Variants in CACNA1I observed in about 807,000 individuals in gnomAD.
CACNA1I encodes calcium voltage-gated channel subunit alpha1 I.
CACNA1I carries 74 observed loss-of-function variants against 201.6 expected under a neutral mutation model. The ratio of observed to expected loss-of-function variants is 0.37; its 90% CI spans 0.30 to 0.45. The LOEUF (loss-of-function observed/expected upper bound fraction) is 0.45. Ranked by LOEUF, CACNA1I falls within the 20% of genes least tolerant of loss-of-function variation. The probability of loss-of-function intolerance (pLI) is 1.00; values close to 1 mark genes in which losing one functional copy is unlikely to be tolerated. For missense variants in CACNA1I, 2,346 were observed against 3,138.1 expected, an observed-to-expected ratio of 0.75 and a Z score of 6.03; for synonymous variants, 1,431 against 1,345.2, an observed-to-expected ratio of 1.06 and a Z score of -1.40.
chr22:39,648,945 T>C lies in CACNA1I; in HGVS notation c.1568-556T>C, dbSNP rs1934569122. Among the ~76,000 whole-genome samples the C allele has an allele frequency of 6.6e-6, 1 of 151,804 alleles. No homozygotes were observed. Among genetic ancestry groups the C allele is most frequent in the African/African-American group, 2.4e-5 (1 of 41,330 alleles). On this transcript the variant is annotated intron_variant, in intron 9 of 36. Transcript: ENST00000402142. This position sits in a 1 kb window ranked among gnomAD's most constrained non-coding sequence, Gnocchi z 5.4. ...TGCGTGGAGGGAAGTCCCAGGGGCT[T>C]CTGGAGTGAGGGTCTGCCCTTGCCC...
At chr22:39,664,949 G>A (rs1192028232) in intron 21 of CACNA1I, 26 bp downstream of exon 21, 1 of 1,605,300 alleles carries the variant, frequency 6.2e-7, no homozygotes, top group Admixed American at 1.7e-5. Context: ...GGGCGGATGG[G>A]GGAAAGTGTC....
chr22:39,643,970 T>C (rs1934412027), intron 7 of CACNA1I, among the ~76,000 whole-genome samples: 1 of 152,112 alleles, frequency 6.6e-6, no homozygotes, highest in South Asian at 2.1e-4. Context: ...CTGACAGCAG[T>C]CTGACCATAC....
At chr22:39,631,879 C>T (rs542630324) in intron 4 of CACNA1I, among the ~76,000 whole-genome samples, 6 of 152,254 alleles carry the variant, frequency 3.9e-5, no homozygotes, top group Non-Finnish European at 8.8e-5. Context: ...TGTGGCCCCT[C>T]TTCCCTGGCA....
chr22:39,623,300 G>T (rs983799497), intron 4 of CACNA1I, among the ~76,000 whole-genome samples: 1 of 151,836 alleles, frequency 6.6e-6, no homozygotes, highest in Non-Finnish European at 1.5e-5. Flanking sequence ...TGTGAGGTGC[G>T]TGTGCACATG....
Position 39,659,670 on chromosome 22 carries a change from C to T in CACNA1I, c.2449-27C>T, listed in dbSNP as rs1157361002. On this transcript the variant is annotated intron_variant, in intron 13 of 36. Coordinates refer to ENST00000402142, the MANE Select transcript of CACNA1I (RefSeq NM_021096.4). The surrounding 1 kb of genome is among the most constrained non-coding windows in gnomAD (Gnocchi z 4.3). ...AGCCTAGCCCTGGACTAGGGGTACC[C>T]CAGGGCTAACTGTGTCTCCCCAACA... 3 of 1,613,338 alleles carry T rather than the reference C, an allele frequency of 1.9e-6. No homozygotes were observed. Among genetic ancestry groups the T allele is most frequent in the Non-Finnish European group, 2.5e-6 (3 of 1,179,644 alleles).
chr22:39,682,648 T>C lies in CACNA1I; in HGVS notation c.5817T>C (p.His1939=), dbSNP rs889853902. The change falls in exon 35 of 37, where the codon CAT becomes CAC. Residue 1939 remains histidine (H), a synonymous_variant. Coordinates refer to ENST00000402142, the MANE Select transcript of CACNA1I (RefSeq NM_021096.4). ...ACCCTGTCCGGTCCTGGCTGAAACA[T>C]GACAGCAGTCAAGGTGAGGGGTGGG... ...PFNPVRSWLK[H]DSSQAPPSPF... is the part of the protein sequence containing the mutation. 8 of 1,612,814 alleles carry C rather than the reference T, an allele frequency of 5.0e-6. No homozygotes were observed. In the African/African-American group the frequency reaches 1.1e-4, roughly 22 times the overall value.
chr22:39,626,666 G>A (rs1403573363), intron 4 of CACNA1I, among the ~76,000 whole-genome samples: 4 of 151,906 alleles, frequency 2.6e-5, no homozygotes, highest in Non-Finnish European at 4.4e-5. Flanking sequence ...GCGTGATCTC[G>A]GCTCACTGCA....
rs1236184572 is a variant in CACNA1I, at chr22:39,659,825, C to T, written c.2577C>T (p.Ala859=). Residue 859 remains alanine (A), a synonymous_variant, in exon 14 of 37, where the codon GCC becomes GCT. Transcript: ENST00000402142. This position sits in a 1 kb window ranked among gnomAD's most constrained non-coding sequence, Gnocchi z 4.3. ...ATGTGCTCTTCAACCTGCTGGTGGC[C>T]ATCCTGGTGGAGGGCTTCCAGGCGG... ...GNYVLFNLLV[A]ILVEGFQAEG... 3.1e-6 allele frequency: 5 copies of T among 1,613,822 alleles called. No individual in the cohort carries two copies. In the African/African-American group the frequency reaches 5.3e-5, roughly 17 times the overall value.
chr22:39,677,599 G>A lies in CACNA1I; in HGVS notation c.4933+180G>A, dbSNP rs974202617. 3.3e-5 allele frequency among the ~76,000 whole-genome samples: 5 copies of A among 152,168 alleles called. No individual in the cohort carries two copies. The highest frequency in any genetic ancestry group is 7.2e-5 in the African/African-American group (3 of 41,430). ...CCAGGAAAACTGCCCTCCCTACCCC[G>A]GTGTTGGTGCCTGTCCTGAGCCAGC... On this transcript the variant is annotated intron_variant, in intron 30 of 36. Coordinates refer to ENST00000402142, the MANE Select transcript of CACNA1I (RefSeq NM_021096.4). The surrounding 1 kb of genome is among the most constrained non-coding windows in gnomAD (Gnocchi z 4.8).
At chr22:39,662,661 G>A (rs1450349490) in intron 17 of CACNA1I, 115 bp from the exon 18 acceptor site, 2 of 789,604 alleles carry the variant, frequency 2.5e-6, no homozygotes, top group East Asian at 5.4e-5. Flanking sequence ...CTGCCCCCGG[G>A]GGGCAGAGAG....
chr22:39,581,872 C>A (rs1173802447), intron 1 of CACNA1I, among the ~76,000 whole-genome samples: 1 of 152,204 alleles, frequency 6.6e-6, no homozygotes, highest in Non-Finnish European at 1.5e-5. Context: ...TGGAGCCATG[C>A]TTTGCTCTCT....
At chr22:39,622,634 G>T (rs1254418347) in intron 4 of CACNA1I, among the ~76,000 whole-genome samples, 5 of 151,600 alleles carry the variant, frequency 3.3e-5, no homozygotes, top group Non-Finnish European at 5.9e-5. Context: ...GGGGTGAGCT[G>T]GACATGGGAC....
At chr22:39,582,898 A>G (rs1601793104) in intron 1 of CACNA1I, among the ~76,000 whole-genome samples, 1 of 150,374 alleles carries the variant, frequency 6.7e-6, no homozygotes, top group South Asian at 2.1e-4. Flanking sequence ...CCATTAATCT[A>G]TCTAACCATC....
chr22:39,607,488 T>C (rs967645262), intron 3 of CACNA1I, among the ~76,000 whole-genome samples: 4 of 152,054 alleles, frequency 2.6e-5, no homozygotes, highest in Non-Finnish European at 5.9e-5. Context: ...GGGCCACTGG[T>C]GGAGAAATTA....
chr22:39,662,403 G>A lies in CACNA1I; in HGVS notation c.3340G>A (p.Asp1114Asn). The change falls in exon 17 of 37, where the codon GAT (aspartate) becomes AAT (asparagine). Residue 1114 changes from aspartate to asparagine, a missense_variant. Transcript: ENST00000402142. The part of the protein sequence containing the change: ...DVFTKMGDRG[D>N]RGEDEEEIDY... ...CTTCACCAAGATGGGCGACCGCGGGGATCGCGGGGAGGATGAGGAGGAAAT... is the reference window on the plus strand; with the variant it reads ...CTTCACCAAGATGGGCGACCGCGGGAATCGCGGGGAGGATGAGGAGGAAAT... 6.8e-7 allele frequency: 1 copy of A among 1,464,532 alleles called. No individual in the cohort carries two copies. The highest frequency in any genetic ancestry group is 8.9e-7 in the Non-Finnish European group (1 of 1,117,580). 90.7% of individuals were successfully genotyped at this position (1,464,532 alleles called of 1,614,324 possible).
At chr22:39,592,746 C>T (rs557689205) in intron 1 of CACNA1I, among the ~76,000 whole-genome samples, 8 of 152,360 alleles carry the variant, frequency 5.3e-5, no homozygotes, top group South Asian at 2.1e-4. Context: ...CCGAACCTCA[C>T]GGCTTCGCTT....
At chr22:39,658,861 T>C in intron 11 of CACNA1I, 70 bp from the exon 12 acceptor site, 2 of 1,324,494 alleles carry the variant, frequency 1.5e-6, no homozygotes, top group South Asian at 1.3e-5. Context: ...TCTCCCTCTG[T>C]CTTCCTCTCC....
intron 10 of CACNA1I, chr22:39,656,457 G>A (rs1238230564): frequency 1.9e-6 from 1 of 518,204 alleles, no homozygotes; most frequent in Non-Finnish European, 3.9e-6. Flanking sequence ...CGCTCCCCTA[G>A]CCACCCCCCA....
chr22:39,682,523 C>A lies in CACNA1I; in HGVS notation c.5692C>A (p.Arg1898Ser), dbSNP rs185177048. The change falls in exon 35 of 37, where the codon CGT (arginine) becomes AGT (serine). Residue 1898 changes from arginine to serine, a missense_variant. Transcript: ENST00000402142. ...KGELDPPEPM[R>S]VGDLGECFFP... ...TGAGCTGGACCCACCTGAGCCCATG[C>A]GTGTGGGAGACCTGGGCGAATGCTT... 6.2e-7 allele frequency: 1 copy of A among 1,613,712 alleles called. No homozygotes were observed. Among genetic ancestry groups the A allele is most frequent in the Non-Finnish European group, 8.5e-7 (1 of 1,179,810 alleles).
Sources: gnomAD v4.1 joint callset for allele counts (sites outside exome capture counted in the v4.1 genomes callset) on GRCh38, gnomAD v4.1.1 for gene constraint, Gnocchi (gnomAD v3.1) non-coding constraint, MANE v1.5 for transcripts, NCBI Gene and HGNC (gene_info 2026-07-23, HGNC 2026-07-21) for gene names.